CNTNAP5: variants seen among roughly 807,000 people sequenced by gnomAD.
CNTNAP5 encodes contactin-associated protein-like 5.
Under a neutral mutation model 150.2 loss-of-function variants are expected in CNTNAP5, and 72 were observed. That is an observed-to-expected ratio of 0.48 (90% confidence interval 0.40 to 0.58). CNTNAP5 has a LOEUF of 0.58. CNTNAP5 is among the 20% of genes least tolerant of loss of function. The probability of loss-of-function intolerance (pLI) is 0.00; values close to 1 mark genes in which losing one functional copy is unlikely to be tolerated. For synonymous variants in CNTNAP5, 672 were observed against 619.8 expected, an observed-to-expected ratio of 1.08 and a Z score of -1.25; for missense variants, 1,636 against 1,626.2, an observed-to-expected ratio of 1.01 and a Z score of -0.10.
intron 3 of CNTNAP5, among the ~76,000 whole-genome samples, chr2:124,386,567 T>C (rs998496090): frequency 6.6e-6 from 1 of 152,254 alleles, no homozygotes; most frequent in African/African-American, 2.4e-5. Context: ...TCCAATTTGC[T>C]GTAGTTTACA....
chr2:124,264,702 A>C (rs565149661), intron 3 of CNTNAP5, among the ~76,000 whole-genome samples: 5 of 152,306 alleles, frequency 3.3e-5, no homozygotes, highest in Admixed American at 3.3e-4. Context: ...GTCCTGGCTG[A>C]TTCCCCTCAA....
intron 13 of CNTNAP5, among the ~76,000 whole-genome samples, chr2:124,742,168 A>G (rs1680509860): frequency 6.6e-6 from 1 of 152,204 alleles, no homozygotes; most frequent in African/African-American, 2.4e-5. Flanking sequence ...GGAGTTTTAT[A>G]GGCAGACCTA....
intron 21 of CNTNAP5, among the ~76,000 whole-genome samples, chr2:124,888,704 T>A (rs1678130869): frequency 6.6e-6 from 1 of 152,160 alleles, no homozygotes; most frequent in Non-Finnish European, 1.5e-5. Context: ...ATTAGTGATG[T>A]TGAGCATTTT....
At chr2:124,198,596 G>A (rs1685646315) in intron 1 of CNTNAP5, among the ~76,000 whole-genome samples, 2 of 152,004 alleles carry the variant, frequency 1.3e-5, no homozygotes, top group African/African-American at 2.4e-5. Flanking sequence ...AGTTCCCAGC[G>A]TCTATTGTTC....
At chr2:124,102,382 A>G (rs1262859905) in intron 1 of CNTNAP5, among the ~76,000 whole-genome samples, 5 of 152,134 alleles carry the variant, frequency 3.3e-5, no homozygotes, top group African/African-American at 1.2e-4. Context: ...TTTCTCCTCG[A>G]TCCTGGCTGA....
intron 1 of CNTNAP5, among the ~76,000 whole-genome samples, chr2:124,169,793 A>G (rs1257256923): frequency 4.6e-5 from 7 of 152,194 alleles, no homozygotes; most frequent in Non-Finnish European, 2.9e-5. Context: ...ACATGAAGGG[A>G]GCAGTGTGAA....
intron 5 of CNTNAP5, among the ~76,000 whole-genome samples, chr2:124,444,673 AT>A (rs1692767190): frequency 6.6e-6 from 1 of 152,118 alleles, no homozygotes; most frequent in Non-Finnish European, 1.5e-5. Context: ...TCAAAGTTCC[AT>A]TTCTTAAAAA....
At chr2:124,280,129 C>T (rs896154158) in intron 3 of CNTNAP5, among the ~76,000 whole-genome samples, 1 of 151,646 alleles carries the variant, frequency 6.6e-6, no homozygotes, top group African/African-American at 2.4e-5. Context: ...ACATCTCAGC[C>T]ACCTTCTCTG....
intron 18 of CNTNAP5, among the ~76,000 whole-genome samples, chr2:124,794,057 A>G (rs1681792595): frequency 6.6e-6 from 1 of 152,046 alleles, no homozygotes; most frequent in South Asian, 2.1e-4. Context: ...TATATTCTGG[A>G]TTTTCTTTAT....
chr2:124,282,379 A>G (rs1037232446), intron 3 of CNTNAP5, among the ~76,000 whole-genome samples: 3 of 152,078 alleles, frequency 2.0e-5, no homozygotes, highest in Non-Finnish European at 2.9e-5. Context: ...AAAATGATAA[A>G]CCTACGTGGA....
chr2:124,302,870 C>T (rs540953632), intron 3 of CNTNAP5, among the ~76,000 whole-genome samples: 48 of 152,072 alleles, frequency 3.2e-4, no homozygotes, highest in Non-Finnish European at 6.2e-4. Context: ...CCTTTTTTGC[C>T]TTTGGTGAAA....
At chr2:124,872,711 A>G (rs991756270) in intron 21 of CNTNAP5, among the ~76,000 whole-genome samples, 1 of 151,954 alleles carries the variant, frequency 6.6e-6, no homozygotes, top group Non-Finnish European at 1.5e-5. Flanking sequence ...GAAAGAGGGA[A>G]AATGTGGGCT....
At chr2:124,544,740 C>T (rs1434613494) in intron 10 of CNTNAP5, among the ~76,000 whole-genome samples, 1 of 152,140 alleles carries the variant, frequency 6.6e-6, no homozygotes, top group Non-Finnish European at 1.5e-5. Context: ...AGGGCCAGTA[C>T]TTGTGGATTT....
At position 124,838,020 on chromosome 2, in the gene CNTNAP5, A is replaced by AAATAAT. The variant is rs1243451541; in HGVS notation, c.3218-27286_3218-27285insAATAAT. ...TTAACAATGACAAAAATAATGACAC[A>AAATAAT]GAGGATCAAGCCTAAGCTGACTAGT... On this transcript the variant is annotated intron_variant, in intron 19 of 23. Coordinates refer to ENST00000682447, the MANE Select transcript of CNTNAP5 (RefSeq NM_001367498.1). Among the ~76,000 whole-genome samples, 52 of 152,258 alleles carry AAATAAT rather than the reference A, an allele frequency of 3.4e-4. 1 individual carries two copies. In the South Asian group the frequency reaches 0.01, roughly 30 times the overall value.
In CNTNAP5 at chr2:124,519,470, G is replaced by A. The variant is rs566947785; in HGVS notation, c.1328-4833G>A. 2.6e-5 allele frequency among the ~76,000 whole-genome samples: 4 copies of A among 152,292 alleles called. No homozygotes were observed. The East Asian group carries it at 5.8e-4, about 22-fold the overall frequency. On this transcript the variant is annotated intron_variant, in intron 8 of 23. Coordinates refer to ENST00000682447, the MANE Select transcript of CNTNAP5 (RefSeq NM_001367498.1). ...GAGATGGCAGGAGCAGGGCAGGGCT[G>A]GCTGGAGTTGCCAGCATGATGAGCA...
At chr2:124,845,745 C>CA (rs1213040320) in intron 19 of CNTNAP5, among the ~76,000 whole-genome samples, 3 of 152,132 alleles carry the variant, frequency 2.0e-5, no homozygotes, top group Non-Finnish European at 4.4e-5. Context: ...ATGTATCCAT[C>CA]TCCTCTAGGT....
At chr2:124,340,244 G>A (rs1329892767) in intron 3 of CNTNAP5, among the ~76,000 whole-genome samples, 1 of 152,208 alleles carries the variant, frequency 6.6e-6, no homozygotes, top group Non-Finnish European at 1.5e-5. Flanking sequence ...ACTAAGGACA[G>A]CTTAGAAGTC....
chr2:124,912,381 G>A (rs1232437765), intron 23 of CNTNAP5, among the ~76,000 whole-genome samples: 1 of 152,014 alleles, frequency 6.6e-6, no homozygotes, highest in African/African-American at 2.4e-5. Flanking sequence ...CTTGCTATGG[G>A]TCAGGCTCTG....
chr2:124,742,697 T>C (rs1262556250), intron 13 of CNTNAP5, among the ~76,000 whole-genome samples: 7 of 152,090 alleles, frequency 4.6e-5, no homozygotes, highest in Non-Finnish European at 8.8e-5. Context: ...CTTGTTTATA[T>C]GCATGAGGTC....
Sources: gnomAD v4.1 joint callset for allele counts (sites outside exome capture counted in the v4.1 genomes callset) on GRCh38, gnomAD v4.1.1 for gene constraint, MANE v1.5 for transcripts, NCBI Gene and HGNC (gene_info 2026-07-23, HGNC 2026-07-21) for gene names.